Variants in MTO1 observed in about 807,000 individuals in gnomAD.
The protein encoded by MTO1 is 5-taurinomethyluridine-[tRNA] synthase subunit MTO1, mitochondrial.
Under a neutral mutation model 71.6 loss-of-function variants are expected in MTO1, and 46 were observed. The observed-to-expected ratio is 0.64, with a 90% confidence interval of 0.51 to 0.82. The LOEUF (loss-of-function observed/expected upper bound fraction) is 0.82. MTO1 is among the 40% of genes least tolerant of loss of function. MTO1 has a pLI of 0.00. For synonymous variants in MTO1, 297 were observed against 312.1 expected (o/e 0.95, Z 0.51); for missense variants, 773 against 867.5 (o/e 0.89, Z 1.37).
chr6:73,492,091 G>A lies in MTO1; in HGVS notation c.1638-143G>A, dbSNP rs1771824825. 10 of 517,910 alleles carry A rather than the reference G, an allele frequency of 1.9e-5. No homozygotes were observed. In the East Asian group the frequency reaches 3.1e-4, roughly 16 times the overall value. 32.1% of individuals were successfully genotyped at this position (517,910 alleles called of 1,614,324 possible). Reference sequence around the variant, plus strand: ...CACTACAGTTGATGGGCGACAGAGCGAGACTCCATCTCAAAAAAAAAAAAA... The same window carrying A: ...CACTACAGTTGATGGGCGACAGAGCAAGACTCCATCTCAAAAAAAAAAAAA... On this transcript the variant is annotated intron_variant, in intron 9 of 11. Transcript: ENST00000498286.
Position 73,489,486 on chromosome 6 carries a change from C to G in MTO1, c.1638-2748C>G, listed in dbSNP as rs550023705. ...GCATGTGATGTTCCCCACCCTGTGT[C>G]CAAGTGTTCTCATTGTTCAATTCTG... On this transcript the variant is annotated intron_variant, in intron 9 of 11. Transcript: ENST00000498286. Among the ~76,000 whole-genome samples, 11 of 139,550 alleles carry G rather than the reference C, an allele frequency of 7.9e-5. No individual in the cohort carries two copies. In the South Asian group the frequency reaches 2.7e-3, roughly 34 times the overall value. 91.6% of individuals were successfully genotyped at this position (139,550 alleles called of 152,430 possible).
At chr6:73,467,614 A>AAAATAAATAAAT (rs70996806) in intron 3 of MTO1, among the ~76,000 whole-genome samples, 36,216 of 143,224 alleles carry the variant, frequency 0.25, 5,173 homozygotes, top group Non-Finnish European at 0.31. Context: ...ACTCTGTCTC[A>AAAATAAATAAAT]AAATAAATAA....
intron 7 of MTO1, among the ~76,000 whole-genome samples, chr6:73,481,327 A>G (rs1222845651): frequency 6.6e-6 from 1 of 152,154 alleles, no homozygotes; most frequent in Non-Finnish European, 1.5e-5. Flanking sequence ...TATTTTGATT[A>G]GATGTATTGC....
chr6:73,479,008 C>T (rs1449061441), intron 4 of MTO1, among the ~76,000 whole-genome samples: 1 of 150,830 alleles, frequency 6.6e-6, no homozygotes, highest in East Asian at 2.0e-4. Flanking sequence ...CATGCCTCAG[C>T]CTCCCGAGTA....
chr6:73,497,693 T>C, intron 10 of MTO1, 43 bp from the exon 11 acceptor site: 2 of 1,574,610 alleles, frequency 1.3e-6, no homozygotes, highest in South Asian at 1.1e-5. Context: ...GTTAGTATAA[T>C]ATAATCTGGG....
At chr6:73,462,527 G>C (rs1340156255) in intron 1 of MTO1, among the ~76,000 whole-genome samples, 1 of 152,126 alleles carries the variant, frequency 6.6e-6, no homozygotes, top group East Asian at 1.9e-4. Context: ...TCAGGAGTTT[G>C]AGACCAGCTT....
intron 3 of MTO1, among the ~76,000 whole-genome samples, chr6:73,468,461 C>T (rs562276401): frequency 1.3e-5 from 2 of 151,884 alleles, no homozygotes; most frequent in African/African-American, 2.4e-5. Flanking sequence ...GTCCAATTTT[C>T]CTTCCCTCTC....
Position 73,503,302 on chromosome 6 carries a change from G to A in MTO1, c.*2567G>A, listed in dbSNP as rs1017138150. 6.6e-6 allele frequency: 1 copy of A among 152,070 alleles called. No individual in the cohort carries two copies. Among genetic ancestry groups the A allele is most frequent in the African/African-American group, 2.4e-5 (1 of 41,388 alleles). The allele number at this position is 152,070 out of a possible 1,614,324, so 9.4% of individuals were successfully genotyped here. ...TTTTAAAAAAATTTTTTGTAGGAAT[G>A]AAGTCTCACTATGTTGCCCAGGCTG... On this transcript the variant is annotated 3_prime_UTR_variant, in exon 12 of 12. Coordinates refer to ENST00000498286, the MANE Select transcript of MTO1 (RefSeq NM_012123.4).
intron 1 of MTO1, among the ~76,000 whole-genome samples, chr6:73,464,849 A>C (rs1046508664): frequency 8.7e-5 from 13 of 149,906 alleles, no homozygotes; most frequent in Non-Finnish European, 1.5e-4. Context: ...AAAAAAAAAA[A>C]AAAAAAAAAA....
intron 3 of MTO1, 74 bp from the exon 4 acceptor site, chr6:73,473,291 G>GATAGATAGATAC: frequency 7.2e-7 from 1 of 1,390,022 alleles, no homozygotes; most frequent in Non-Finnish European, 9.7e-7. Context: ...TAGATAGATA[G>GATAGATAGATAC]ATAGATAGAT....
At chr6:73,462,265 C>T (rs1770846473) in intron 1 of MTO1, 194 bp downstream of exon 1, 2 of 622,870 alleles carry the variant, frequency 3.2e-6, no homozygotes, top group Admixed American at 5.9e-5. Flanking sequence ...GTCTATTCTG[C>T]GAACCATAGA....
chr6:73,503,397 G>GCCA lies in MTO1; in HGVS notation c.*2667_*2669dup, dbSNP rs1561957231. On this transcript the variant is annotated 3_prime_UTR_variant, in exon 12 of 12. Transcript: ENST00000498286. ...CAAAGTGCTCAGATTACAGGCATGA[G>GCCA]CCACCACACGTGGCCTGAAACCTCT... 6.6e-6 allele frequency: 1 copy of GCCA among 152,234 alleles called. No homozygotes were observed. The highest frequency in any genetic ancestry group is 2.4e-5 in the African/African-American group (1 of 41,442). 9.4% of individuals were successfully genotyped at this position (152,234 alleles called of 1,614,324 possible). A position where few individuals can be genotyped will look rare whatever the true frequency, so the allele number is the denominator to read the frequency against.
intron 3 of MTO1, among the ~76,000 whole-genome samples, chr6:73,470,367 C>T (rs923288698): frequency 6.6e-6 from 1 of 151,676 alleles, no homozygotes; most frequent in Non-Finnish European, 1.5e-5. Flanking sequence ...CCACCATGCC[C>T]GGCTACTTTT....
At position 73,508,853 on chromosome 6, in the gene MTO1, G is replaced by C. The variant is rs1772353185; in HGVS notation, c.*8118G>C. ...GAGTCAATCAAGAAGGTATGATAAT[G>C]GCTAAAGATGGGGACTGTAGGTCAA... On this transcript the variant is annotated 3_prime_UTR_variant, in exon 12 of 12. Coordinates refer to ENST00000498286, the MANE Select transcript of MTO1 (RefSeq NM_012123.4). 6.6e-6 allele frequency: 1 copy of C among 152,226 alleles called. No individual in the cohort carries two copies. Among genetic ancestry groups the C allele is most frequent in the Non-Finnish European group, 1.5e-5 (1 of 68,064 alleles). 9.4% of individuals were successfully genotyped at this position (152,226 alleles called of 1,614,324 possible). A position where few individuals can be genotyped will look rare whatever the true frequency, so the allele number is the denominator to read the frequency against.
At chr6:73,492,200 T>A (rs1332775896) in intron 9 of MTO1, 34 bp from the exon 10 acceptor site, 1 of 1,343,700 alleles carries the variant, frequency 7.4e-7, no homozygotes, top group Non-Finnish European at 1.1e-6. Context: ...ATGACATGGA[T>A]CCTTATGTTA....
At chr6:73,486,806 T>C (rs1487947423) in intron 9 of MTO1, 2 of 169,870 alleles carry the variant, frequency 1.2e-5, no homozygotes, top group Non-Finnish European at 2.6e-5. Flanking sequence ...CATAATGTCC[T>C]CACGACCAGG....
At position 73,461,890 on chromosome 6, in the gene MTO1, G is replaced by A; in HGVS notation, c.36G>A (p.Ala12=). 5.0e-6 allele frequency: 8 copies of A among 1,614,032 alleles called. No individual in the cohort carries two copies. Among genetic ancestry groups the A allele is most frequent in the Non-Finnish European group, 6.8e-6 (8 of 1,179,856 alleles). The change falls in exon 1 of 12, where the codon GCG becomes GCA. Residue 12 remains alanine (A), a synonymous_variant. Transcript: ENST00000498286. The stretch of plus-strand genomic sequence containing the variant: ...TCCGAGGCTGTGGCCGTTGGGTCGC[G>A]GTTTCCTTCACCAAGCAGCAATTTC... ...FYFRGCGRWV[A]VSFTKQQFPL... is the part of the protein sequence containing the mutation.
chr6:73,475,732 G>A (rs1420779839), intron 4 of MTO1, among the ~76,000 whole-genome samples: 8 of 151,886 alleles, frequency 5.3e-5, no homozygotes, highest in Admixed American at 2.0e-4. Flanking sequence ...GGCTGGTCAC[G>A]AGCTCCCGAC....
At position 73,500,715 on chromosome 6, in the gene MTO1, C is replaced by G. The variant is rs751575104; in HGVS notation, c.2059C>G (p.Leu687Val). The G allele has an allele frequency of 6.9e-6, 11 of 1,592,194 alleles. No homozygotes were observed. In the East Asian group the frequency reaches 2.5e-4, roughly 36 times the overall value. The change falls in exon 12 of 12, where the codon CTT becomes GTT. Residue 687 changes from leucine to valine, a missense_variant. Transcript: ENST00000498286. ...TCAATACTTATGTGATGCAGACAGA[C>G]TTCAAGAGAGAGAGTTATAGCTTTC... ...TDQYLCDADR[L>V]QEREL
Sources: allele counts gnomAD v4.1 joint callset (sites outside exome capture counted in the v4.1 genomes callset), GRCh38; gene constraint gnomAD v4.1.1; transcripts MANE v1.5; gene names NCBI Gene and HGNC (gene_info 2026-07-23, HGNC 2026-07-21).